Variants in LIN37 observed in about 807,000 individuals in gnomAD.
LIN37 encodes the protein protein lin-37 homolog.
Under a neutral mutation model 38.0 loss-of-function variants are expected in LIN37, and 21 were observed. The observed-to-expected ratio is 0.55, with a 90% confidence interval of 0.39 to 0.80. LIN37 has a LOEUF of 0.80. LIN37 is among the 30% of genes least tolerant of loss of function. The probability of loss-of-function intolerance (pLI) is 0.00; values close to 1 mark genes in which losing one functional copy is unlikely to be tolerated. For synonymous variants in LIN37, 126 were observed against 122.9 expected (o/e 1.03, Z -0.17); for missense variants, 273 against 338.5 (o/e 0.81, Z 1.52).
At chr19:35,753,515 G>A in intron 6 of LIN37, 1 of 583,612 alleles carries the variant, frequency 1.7e-6, no homozygotes, top group East Asian at 2.9e-5. Flanking sequence ...TCCAAGATCA[G>A]GGGTTCCCAA....
chr19:35,748,958 T>C, intron 1 of LIN37, 200 bp downstream of exon 1: 1 of 1,451,274 alleles, frequency 6.9e-7, no homozygotes, highest in South Asian at 1.4e-5. Context: ...TGAGATTGAA[T>C]GGGGTGGCTC....
At position 35,753,247 on chromosome 19, in the gene LIN37, TGAG is replaced by T; in HGVS notation, c.443_444+1del. ...CACCCCTGCCCCCGCTGCCTGAGGATGAGGAGGTGGGATGGGTAGTGGGTCCCA... is the reference window on the plus strand; with the variant it reads ...CACCCCTGCCCCCGCTGCCTGAGGATGAGGTGGGATGGGTAGTGGGTCCCA... On this transcript the variant is annotated inframe_deletion, in exon 6 of 9. Coordinates refer to ENST00000301159, the MANE Select transcript of LIN37 (RefSeq NM_019104.3). The T allele has an allele frequency of 6.5e-7, 1 of 1,548,680 alleles. No homozygotes were observed. Among genetic ancestry groups the T allele is most frequent in the African/African-American group, 1.4e-5 (1 of 73,198 alleles).
Position 35,752,191 on chromosome 19 carries a change from A to C in LIN37, c.50A>C (p.Lys17Thr). The stretch of plus-strand genomic sequence containing the variant: ...CTTGCCCCAGAGCTGGAGATGGCCA[A>C]AGCCCGGAACCAACTGGATGCTGTC... ...KVEKSELEMA[K>T]ARNQLDAVLQ... Residue 17 changes from lysine (K) to threonine (T), a missense_variant, in exon 2 of 9, where the codon AAA (lysine) becomes ACA (threonine). Transcript: ENST00000301159. The C allele has an allele frequency of 6.2e-7, 1 of 1,603,178 alleles. No homozygotes were observed. The highest frequency in any genetic ancestry group is 8.5e-7 in the Non-Finnish European group (1 of 1,175,044).
At chr19:35,753,912 C>T in intron 6 of LIN37, 105 bp from the exon 7 acceptor site, 1 of 1,328,776 alleles carries the variant, frequency 7.5e-7, no homozygotes, top group Middle Eastern at 2.7e-4. Flanking sequence ...CTTAGCGAGC[C>T]CCTCATGCCA....
At position 35,750,657 on chromosome 19, in the gene LIN37, T is replaced by C. The variant is rs539491340; in HGVS notation, c.35-1519T>C. 4.0e-5 allele frequency among the ~76,000 whole-genome samples: 6 copies of C among 151,768 alleles called. No individual in the cohort carries two copies. The South Asian group carries it at 1.3e-3, about 32-fold the overall frequency. ...GGGAAAAAAAAGCCCAAACAGGATG[T>C]TTTAGGTGAAATCTCCCAATTTTGG... On this transcript the variant is annotated intron_variant, in intron 1 of 8. Transcript: ENST00000301159.
intron 1 of LIN37, chr19:35,749,095 A>G (rs1970644776): frequency 1.4e-5 from 10 of 715,044 alleles, no homozygotes; most frequent in Non-Finnish European, 1.8e-5. Context: ...GTATCGCTAT[A>G]TTGCCCAGGC....
At position 35,748,597 on chromosome 19, in the gene LIN37, C is replaced by A; in HGVS notation, c.-128C>A. 2 of 1,328,452 alleles carry A rather than the reference C, an allele frequency of 1.5e-6. No individual in the cohort carries two copies. The highest frequency in any genetic ancestry group is 2.2e-6 in the Non-Finnish European group (2 of 923,726). The allele number at this position is 1,328,452 out of a possible 1,614,324, so 82.3% of individuals were successfully genotyped here. A position where few individuals can be genotyped will look rare whatever the true frequency, so the allele number is the denominator to read the frequency against. On this transcript the variant is annotated 5_prime_UTR_variant, in exon 1 of 9. Transcript: ENST00000301159. ...GGCCACGGTCCAGGCTGGACACAAC[C>A]AAAGGCGGAGGACCCGTGGCCCACG...
At chr19:35,751,546 T>A (rs1199110153) in intron 1 of LIN37, among the ~76,000 whole-genome samples, 1 of 151,852 alleles carries the variant, frequency 6.6e-6, no homozygotes, top group Non-Finnish European at 1.5e-5. Context: ...AAATCATATC[T>A]ATCTGAGCTG....
At chr19:35,753,770 C>G in intron 6 of LIN37, 1 of 580,528 alleles carries the variant, frequency 1.7e-6, no homozygotes, top group South Asian at 2.1e-5. Context: ...GCAGACGCGA[C>G]TCCCTGGGCT....
rs560270836 is a variant in LIN37, at chr19:35,748,621, C to G, written c.-104C>G. ...CCAAAGGCGGAGGACCCGTGGCCCA[C>G]GAAGCTCATCTTTGAACTGTCCCCG... On this transcript the variant is annotated 5_prime_UTR_variant, in exon 1 of 9. Transcript: ENST00000301159. 5 of 1,516,548 alleles carry G rather than the reference C, an allele frequency of 3.3e-6. No homozygotes were observed. Among genetic ancestry groups the G allele is most frequent in the African/African-American group, 2.7e-5 (2 of 73,012 alleles). The allele number at this position is 1,516,548 out of a possible 1,614,324, so 93.9% of individuals were successfully genotyped here.
rs1219765564 is a variant in LIN37 at position 35,754,438 on chromosome 19, C to T, written c.705C>T (p.Ser235=). 6.2e-7 allele frequency: 1 copy of T among 1,614,052 alleles called. No homozygotes were observed. The highest frequency in any genetic ancestry group is 1.7e-5 in the Admixed American group (1 of 60,028). Residue 235 remains serine, a synonymous_variant, in exon 9 of 9, where the codon AGC becomes AGT. Transcript: ENST00000301159. ...SHRNQLRYSE[S]MKILREMYER... is the part of the protein sequence containing the mutation. ...GGAACCAGCTTCGTTACTCAGAAAG[C>T]ATGAAGATCCTACGAGAGATGTACG...
chr19:35,754,342 G>T, intron 8 of LIN37, 23 bp downstream of exon 8: 2 of 1,614,040 alleles, frequency 1.2e-6, no homozygotes, highest in Non-Finnish European at 1.7e-6. Flanking sequence ...CAGCCTGCTT[G>T]CCCCTCGTAG....
Position 35,752,810 on chromosome 19 carries a change from C to T in LIN37, c.168C>T (p.Cys56=). The T allele has an allele frequency of 1.2e-6, 2 of 1,609,590 alleles. No homozygotes were observed. Among genetic ancestry groups the T allele is most frequent in the Non-Finnish European group, 1.7e-6 (2 of 1,178,164 alleles). ...CAACTGTCTTTCCCCACAGGGACTG[C>T]TCCATCGCAGCCACTGGCAAAAGGT... The part of the protein sequence containing the change: ...KTPSDTHNKD[C]SIAATGKRPS... Residue 56 remains cysteine (C), a synonymous_variant, in exon 4 of 9, where the codon TGC becomes TGT. Coordinates refer to ENST00000301159, the MANE Select transcript of LIN37 (RefSeq NM_019104.3).
Position 35,748,589 on chromosome 19 carries a change from G to C in LIN37, c.-136G>C. The C allele has an allele frequency of 8.1e-7, 1 of 1,228,176 alleles. No individual in the cohort carries two copies. The highest frequency in any genetic ancestry group is 1.2e-5 in the South Asian group (1 of 82,552). The allele number at this position is 1,228,176 out of a possible 1,614,324, so 76.1% of individuals were successfully genotyped here. On this transcript the variant is annotated 5_prime_UTR_variant, in exon 1 of 9. Coordinates refer to ENST00000301159, the MANE Select transcript of LIN37 (RefSeq NM_019104.3). ...AGGGTGGTGGCCACGGTCCAGGCTG[G>C]ACACAACCAAAGGCGGAGGACCCGT... is the stretch of plus-strand genomic sequence containing the variant.
At chr19:35,748,800 T>G in intron 1 of LIN37, 42 bp downstream of exon 1, 1 of 1,613,516 alleles carries the variant, frequency 6.2e-7, no homozygotes, top group Non-Finnish European at 8.5e-7. Context: ...ACCATCGGGT[T>G]GACAGGGTGT....
In LIN37 at chr19:35,754,351, A is replaced by G. The variant is rs376386158; in HGVS notation, c.659+32A>G. On this transcript the variant is annotated intron_variant, in intron 8 of 8. Coordinates refer to ENST00000301159, the MANE Select transcript of LIN37 (RefSeq NM_019104.3). Reference sequence around the variant, plus strand: ...GTCCCCCAGCCTGCTTGCCCCTCGTAGGGCCCTTTGCAACTGCTGAGTCTC... The same window carrying G: ...GTCCCCCAGCCTGCTTGCCCCTCGTGGGGCCCTTTGCAACTGCTGAGTCTC... 34 of 1,613,240 alleles carry G rather than the reference A, an allele frequency of 2.1e-5. No homozygotes were observed. In the African/African-American group the frequency reaches 2.5e-4, roughly 12 times the overall value.
chr19:35,749,708 G>A (rs972566015), intron 1 of LIN37, among the ~76,000 whole-genome samples: 5 of 151,738 alleles, frequency 3.3e-5, no homozygotes, highest in African/African-American at 1.2e-4. Context: ...AGGAGGCTGA[G>A]GCAGGAGGAT....
chr19:35,752,387 C>T, intron 2 of LIN37, 47 bp from the exon 3 acceptor site: 1 of 1,609,198 alleles, frequency 6.2e-7, no homozygotes, highest in Non-Finnish European at 8.5e-7. Context: ...TGCCTTCCTT[C>T]TCTGGGGCCC....
At chr19:35,753,321 A>T in intron 6 of LIN37, 68 bp downstream of exon 6, 1 of 1,509,336 alleles carries the variant, frequency 6.6e-7, no homozygotes, top group Admixed American at 2.0e-5. Context: ...GGCTCAAAGG[A>T]TCCTGCCCCT....
Sources: allele counts gnomAD v4.1 joint callset (sites outside exome capture counted in the v4.1 genomes callset), GRCh38; gene constraint gnomAD v4.1.1; transcripts MANE v1.5; gene names NCBI Gene and HGNC (gene_info 2026-07-23, HGNC 2026-07-21).